Variants in ERBB4 observed in about 807,000 individuals in gnomAD.
ERBB4 encodes receptor tyrosine-protein kinase erbB-4.
Under a neutral mutation model 158.0 loss-of-function variants are expected in ERBB4, and 42 were observed. That is an observed-to-expected ratio of 0.27 (90% CI 0.21 to 0.34). The LOEUF is 0.34. Among genes scored for constraint, ERBB4 ranks in the 10% least tolerant of loss-of-function variants. The pLI, the probability that ERBB4 is intolerant of heterozygous loss-of-function variation, is 1.00. For missense variants in ERBB4, 1,333 were observed against 1,624.1 expected, an observed-to-expected ratio of 0.82 and a Z score of 3.08; for synonymous variants, 583 against 558.7, an observed-to-expected ratio of 1.04 and a Z score of -0.61.
chr2:212,499,940 T>C (rs536943089), intron 1 of ERBB4, among the ~76,000 whole-genome samples: 8 of 152,106 alleles, frequency 5.3e-5, no homozygotes, highest in Middle Eastern at 6.3e-3. Flanking sequence ...ATATTTCATA[T>C]GACAAATGTC....
Position 211,422,009 on chromosome 2 carries a change from G to C in ERBB4, c.2962C>G (p.Gln988Glu), listed in dbSNP as rs2063524008. The change falls in exon 24 of 28, where the codon CAG becomes GAG. Residue 988 changes from glutamine (Q) to glutamate (E), a missense_variant and splice_region_variant. By Grantham distance (29) the Gln-to-Glu change is conservative. Transcript: ENST00000342788. Reference protein sequence around the residue: ...ARDPQRYLVIQGDDRMKLPSP... With the variant: ...ARDPQRYLVIEGDDRMKLPSP... The stretch of plus-strand genomic sequence containing the variant: ...AGGCATAAGTCAAATGTACTCACCT[G>C]AATAACTAGGTATCTTTGAGGGTCT... 3 of 1,596,612 alleles carry C rather than the reference G, an allele frequency of 1.9e-6. No homozygotes were observed. Among genetic ancestry groups the C allele is most frequent in the African/African-American group, 2.7e-5 (2 of 74,636 alleles).
At chr2:212,322,949 C>T (rs1304702481) in intron 1 of ERBB4, among the ~76,000 whole-genome samples, 1 of 149,842 alleles carries the variant, frequency 6.7e-6, no homozygotes, top group Non-Finnish European at 1.5e-5. Context: ...AAAAAAAAAT[C>T]ATTCTTGAAA....
intron 16 of ERBB4, among the ~76,000 whole-genome samples, chr2:211,644,253 C>T (rs573554441): frequency 3.3e-5 from 5 of 152,054 alleles, no homozygotes; most frequent in African/African-American, 1.2e-4. Flanking sequence ...TGACTGAATT[C>T]ACAAAAACAC....
rs1324686537 is a variant in ERBB4, at chr2:212,099,840, T to C, written c.234+24912A>G. Among the ~76,000 whole-genome samples, 4 of 151,716 alleles carry C rather than the reference T, an allele frequency of 2.6e-5. No individual in the cohort carries two copies. In the South Asian group the frequency reaches 6.3e-4, roughly 24 times the overall value. ...TTTTTCCTGTTATCTGTATTGGGGA[T>C]GGTGGCTAGTGGGGATTAGAAGGGC... On this transcript the variant is annotated intron_variant, in intron 2 of 27. Coordinates refer to ENST00000342788, the MANE Select transcript of ERBB4 (RefSeq NM_005235.3).
intron 1 of ERBB4, among the ~76,000 whole-genome samples, chr2:212,181,893 G>A (rs1033644337): frequency 1.3e-5 from 2 of 151,626 alleles, no homozygotes; most frequent in Non-Finnish European, 3.0e-5. Flanking sequence ...GAAAAACACG[G>A]TTAAAATATC....
At chr2:211,751,054 A>G (rs986564775) in intron 4 of ERBB4, among the ~76,000 whole-genome samples, 2 of 152,224 alleles carry the variant, frequency 1.3e-5, no homozygotes, top group African/African-American at 2.4e-5. Context: ...TCTACTTGAT[A>G]TAATTTCCAG....
At chr2:211,781,392 C>T (rs1363104501) in intron 4 of ERBB4, among the ~76,000 whole-genome samples, 1 of 152,082 alleles carries the variant, frequency 6.6e-6, no homozygotes, top group Non-Finnish European at 1.5e-5. Context: ...TGCCAATTCC[C>T]CCTCTCCCAC....
At chr2:212,496,263 G>A (rs1329093501) in intron 1 of ERBB4, among the ~76,000 whole-genome samples, 3 of 149,478 alleles carry the variant, frequency 2.0e-5, no homozygotes, top group Admixed American at 1.3e-4. Flanking sequence ...AAAGTATATC[G>A]ATTGTTGATT....
At chr2:212,281,098 CCTT>C (rs773928098) in intron 1 of ERBB4, among the ~76,000 whole-genome samples, 61 of 151,766 alleles carry the variant, frequency 4.0e-4, no homozygotes, top group Non-Finnish European at 2.5e-4. Flanking sequence ...TACTGAAAGC[CCTT>C]CTTTTTTTTT....
chr2:212,022,945 C>T (rs893545042), intron 2 of ERBB4, among the ~76,000 whole-genome samples: 2 of 152,076 alleles, frequency 1.3e-5, no homozygotes, highest in African/African-American at 2.4e-5. Flanking sequence ...GGAGGGCCAT[C>T]TTTATGGTGG....
At chr2:211,722,868 T>C (rs1207069699) in intron 6 of ERBB4, among the ~76,000 whole-genome samples, 1 of 152,228 alleles carries the variant, frequency 6.6e-6, no homozygotes, top group East Asian at 1.9e-4. Flanking sequence ...AGTATAGCAC[T>C]GACAACCAAA....
At chr2:211,699,657 T>A (rs2073158801) in intron 12 of ERBB4, among the ~76,000 whole-genome samples, 2 of 152,032 alleles carry the variant, frequency 1.3e-5, no homozygotes, top group African/African-American at 4.8e-5. Flanking sequence ...AACTGCTTCA[T>A]TTTTTTCCCC....
At chr2:211,603,492 A>T (rs1227635503) in intron 19 of ERBB4, among the ~76,000 whole-genome samples, 1 of 152,200 alleles carries the variant, frequency 6.6e-6, no homozygotes, top group African/African-American at 2.4e-5. Context: ...ATAAGAAAAA[A>T]TATATACATA....
rs1491239788 is a variant in ERBB4 at position 211,939,966 on chromosome 2, A to AAAAAAAT, written c.421+7463_421+7464insATTTTTT. Among the ~76,000 whole-genome samples, 1,140 of 137,316 alleles carry AAAAAAAT rather than the reference A, an allele frequency of 8.3e-3. 7 individuals are homozygous for AAAAAAAT. Among genetic ancestry groups the AAAAAAAT allele is most frequent in the Middle Eastern group, 0.021 (6 of 282 alleles). The allele number at this position is 137,316 out of a possible 152,430, so 90.1% of individuals were successfully genotyped here. Reference sequence around the variant, plus strand: ...CGTCTCAAAAAAAAAGGAAAAAAAAAATATATATATATATGTATATAGATA... The same window carrying AAAAAAAT: ...CGTCTCAAAAAAAAAGGAAAAAAAAAAAAAAATATATATATATATATGTATATAGATA... On this transcript the variant is annotated intron_variant, in intron 3 of 27. Coordinates refer to ENST00000342788, the MANE Select transcript of ERBB4 (RefSeq NM_005235.3).
At chr2:211,889,775 C>T (rs1458398465) in intron 3 of ERBB4, among the ~76,000 whole-genome samples, 4 of 151,504 alleles carry the variant, frequency 2.6e-5, no homozygotes, top group African/African-American at 9.7e-5. Flanking sequence ...GCCTCAGGAG[C>T]CGATGCGATC....
intron 3 of ERBB4, among the ~76,000 whole-genome samples, chr2:211,872,090 T>TA (rs1240454928): frequency 1.9e-5 from 1 of 51,850 alleles, no homozygotes; most frequent in African/African-American, 4.8e-5. Flanking sequence ...ATGAATGAAT[T>TA]ATTAATTTTC....
intron 13 of ERBB4, among the ~76,000 whole-genome samples, chr2:211,676,742 C>T (rs1429976104): frequency 6.6e-6 from 1 of 152,088 alleles, no homozygotes; most frequent in Non-Finnish European, 1.5e-5. Flanking sequence ...TAGTATTGCA[C>T]ATATATATTC....
intron 19 of ERBB4, among the ~76,000 whole-genome samples, chr2:211,617,049 T>C (rs2069417611): frequency 6.6e-6 from 1 of 151,936 alleles, no homozygotes; most frequent in Non-Finnish European, 1.5e-5. Flanking sequence ...AGAAAAAAAA[T>C]GGATGGGGTT....
chr2:211,626,838 C>T (rs12694248), intron 17 of ERBB4, among the ~76,000 whole-genome samples: 139,093 of 151,996 alleles, frequency 0.92, 63,728 homozygotes, highest in African/African-American at 0.95. Context: ...GACAGGAGAA[C>T]GGCGTGAACC....
Sources: allele counts gnomAD v4.1 joint callset (sites outside exome capture counted in the v4.1 genomes callset), GRCh38; gene constraint gnomAD v4.1.1; transcripts MANE v1.5; gene names NCBI Gene and HGNC (gene_info 2026-07-23, HGNC 2026-07-21).